NBPF15: variants seen among roughly 807,000 people sequenced by gnomAD.
NBPF15 encodes the protein NBPF member 15.
In NBPF15, 74 loss-of-function variants were observed where a neutral mutation model predicts 62.2. The ratio of observed to expected loss-of-function variants is 1.19; its 90% CI spans 0.99 to 1.44. NBPF15 has a LOEUF of 1.44. Ranked by LOEUF, NBPF15 falls within the 40% of genes most tolerant of loss-of-function variation. The pLI is 0.00. For synonymous variants in NBPF15, 244 were observed against 209.7 expected (o/e 1.16, Z -1.41); for missense variants, 790 against 550.0 (o/e 1.44, Z -4.36).
chr1:144,442,292 ATATATATATATACACGTGTATATAT>A (rs1248313807), intron 6 of NBPF15, among the ~76,000 whole-genome samples: 9 of 123,204 alleles, frequency 7.3e-5, no homozygotes, highest in African/African-American at 2.8e-4. Context: ...TGTATATATT[ATATATATATATACACGTGTATATAT>A]TATATATATA....
chr1:144,440,754 G>T (rs1381404866), intron 6 of NBPF15, among the ~76,000 whole-genome samples: 1 of 148,110 alleles, frequency 6.8e-6, no homozygotes, highest in African/African-American at 2.5e-5. Flanking sequence ...CCAGGTTCAC[G>T]CTATTCTCCT....
intron 15 of NBPF15, among the ~76,000 whole-genome samples, chr1:144,428,268 C>G (rs1671415633): frequency 6.6e-6 from 1 of 151,790 alleles, no homozygotes; most frequent in Non-Finnish European, 1.5e-5. Flanking sequence ...TCAAAGGACA[C>G]TCTGTATTTG....
rs1553540881 is a variant in NBPF15, at chr1:144,435,413, A to G, written c.567-97T>C. The stretch of plus-strand genomic sequence containing the variant: ...TGGTTTTGACAGGCGGCATTAAGAG[A>G]GTGGTCCCAGAAAGCAAAATGGACG... On this transcript the variant is annotated intron_variant, in intron 11 of 21. Coordinates refer to ENST00000581897, the MANE Select transcript of NBPF15 (RefSeq NM_001385408.1). 8 of 1,455,502 alleles carry G rather than the reference A, an allele frequency of 5.5e-6. 1 individual carries two copies. Among genetic ancestry groups the G allele is most frequent in the Admixed American group, 5.2e-5 (3 of 57,760 alleles). The allele number at this position is 1,455,502 out of a possible 1,614,324, so 90.2% of individuals were successfully genotyped here. A position where few individuals can be genotyped will look rare whatever the true frequency, so the allele number is the denominator to read the frequency against.
At chr1:144,432,707 A>G (rs1454041218) in intron 13 of NBPF15, among the ~76,000 whole-genome samples, 2 of 152,020 alleles carry the variant, frequency 1.3e-5, no homozygotes, top group Non-Finnish European at 2.9e-5. Context: ...CAAAAGAGAC[A>G]AAGAAGGCCA....
intron 3 of NBPF15, among the ~76,000 whole-genome samples, chr1:144,458,415 C>A (rs1409608470): frequency 1.3e-5 from 2 of 151,348 alleles, no homozygotes; most frequent in African/African-American, 4.9e-5. Flanking sequence ...TACATTTTCC[C>A]TGAATGCCCA....
intron 16 of NBPF15, among the ~76,000 whole-genome samples, chr1:144,427,466 C>A (rs1670574114): frequency 6.7e-6 from 1 of 150,102 alleles, no homozygotes; most frequent in African/African-American, 2.5e-5. Flanking sequence ...TTCATGGTAG[C>A]AAGGATTTTA....
intron 13 of NBPF15, among the ~76,000 whole-genome samples, chr1:144,431,963 G>A (rs1674680240): frequency 1.3e-5 from 2 of 150,766 alleles, no homozygotes; most frequent in South Asian, 2.1e-4. Context: ...ATGTGTGCAT[G>A]TGTCTTTACA....
chr1:144,439,226 C>T (rs1681026958), intron 8 of NBPF15, among the ~76,000 whole-genome samples: 1 of 151,832 alleles, frequency 6.6e-6, no homozygotes, highest in South Asian at 2.1e-4. Flanking sequence ...TCATGATCTG[C>T]CCGCCTCAGC....
At chr1:144,424,103 T>C (rs1553538799) in intron 20 of NBPF15, 128 bp from the exon 21 acceptor site, 1 of 746,802 alleles carries the variant, frequency 1.3e-6, no homozygotes, top group Non-Finnish European at 2.4e-6. Flanking sequence ...ATGAGAGATA[T>C]ATTTCAGGAG....
At position 144,423,286 on chromosome 1, in the gene NBPF15, G is replaced by T. The variant is rs368120787; in HGVS notation, c.1770-30C>A. 46 of 1,611,310 alleles carry T rather than the reference G, an allele frequency of 2.9e-5. 1 individual carries two copies. In the African/African-American group the frequency reaches 5.3e-4, roughly 19 times the overall value. On this transcript the variant is annotated intron_variant, in intron 21 of 21. Transcript: ENST00000581897. Reference sequence around the variant, plus strand: ...AAAAGGAGACAAAACTAAAGAAGCAGCCAGGGAAAATCAGACACCACAGAG... The same window carrying T: ...AAAAGGAGACAAAACTAAAGAAGCATCCAGGGAAAATCAGACACCACAGAG...
chr1:144,444,269 G>GAAA, intron 6 of NBPF15, among the ~76,000 whole-genome samples: 2 of 130,602 alleles, frequency 1.5e-5, no homozygotes, highest in South Asian at 5.0e-4. Flanking sequence ...ATATTAAGAG[G>GAAA]AAAAAAAAAA....
chr1:144,450,336 T>C (rs1163178431), intron 5 of NBPF15, among the ~76,000 whole-genome samples: 2 of 148,812 alleles, frequency 1.3e-5, no homozygotes, highest in Non-Finnish European at 3.0e-5. Flanking sequence ...ACTCCATGAG[T>C]TGTTATTGGT....
intron 5 of NBPF15, among the ~76,000 whole-genome samples, chr1:144,449,795 A>C (rs1183335563): frequency 6.6e-6 from 1 of 151,634 alleles, no homozygotes; most frequent in Admixed American, 6.6e-5. Flanking sequence ...GAATCACTGT[A>C]GTTGTTATTC....
chr1:144,461,344 C>A (rs1652930163), intron 1 of NBPF15, 37 bp downstream of exon 1: 2 of 151,520 alleles, frequency 1.3e-5, no homozygotes, highest in African/African-American at 4.8e-5. Flanking sequence ...ACAGCCGCAG[C>A]TCGACCCAGC....
chr1:144,455,539 G>T (rs1693933641), intron 4 of NBPF15, among the ~76,000 whole-genome samples: 2 of 151,990 alleles, frequency 1.3e-5, no homozygotes, highest in African/African-American at 4.8e-5. Flanking sequence ...GTGCCCAAAA[G>T]AATGAGATGA....
intron 8 of NBPF15, among the ~76,000 whole-genome samples, chr1:144,438,787 G>A (rs1236907802): frequency 6.6e-6 from 1 of 151,844 alleles, no homozygotes; most frequent in African/African-American, 2.4e-5. Context: ...GGAAACTGAG[G>A]GACAGACAAG....
intron 6 of NBPF15, among the ~76,000 whole-genome samples, chr1:144,441,457 A>AT (rs1291846545): frequency 6.7e-6 from 1 of 150,284 alleles, no homozygotes; most frequent in Non-Finnish European, 1.5e-5. Context: ...TTTTATATTC[A>AT]TTGATATACT....
intron 11 of NBPF15, among the ~76,000 whole-genome samples, chr1:144,435,551 C>A (rs1379667343): frequency 6.6e-6 from 1 of 151,766 alleles, no homozygotes; most frequent in African/African-American, 2.4e-5. Flanking sequence ...CAGATAGGAG[C>A]TGAGGAGGAT....
chr1:144,423,716 C>A (rs1472360203), intron 21 of NBPF15, among the ~76,000 whole-genome samples, 154 bp downstream of exon 21: 1 of 151,834 alleles, frequency 6.6e-6, no homozygotes, highest in South Asian at 2.1e-4. Flanking sequence ...AAATGGAAAC[C>A]TAAACATCTA....
Sources: gnomAD v4.1 joint callset for allele counts (sites outside exome capture counted in the v4.1 genomes callset) on GRCh38, gnomAD v4.1.1 for gene constraint, MANE v1.5 for transcripts, NCBI Gene and HGNC (gene_info 2026-07-23, HGNC 2026-07-21) for gene names.